CDYL2: variants seen among roughly 807,000 people sequenced by gnomAD.
CDYL2 encodes the protein chromodomain Y like 2, also known as chromodomain Y-like protein 2.
In CDYL2, 23 loss-of-function variants were observed where a neutral mutation model predicts 49.4. The ratio of observed to expected loss-of-function variants is 0.47; its 90% confidence interval spans 0.34 to 0.66. The LOEUF (loss-of-function observed/expected upper bound fraction) is 0.66. Among genes scored for constraint, CDYL2 ranks in the 30% least tolerant of loss-of-function variants. CDYL2 has a pLI of 0.01. For missense variants in CDYL2, 678 were observed against 656.4 expected (o/e 1.03, Z -0.36); for synonymous variants, 360 against 268.8 (o/e 1.34, Z -3.32).
chr16:80,764,474 GA>G (rs967974736), intron 1 of CDYL2, among the ~76,000 whole-genome samples: 2 of 151,046 alleles, frequency 1.3e-5, no homozygotes, highest in Admixed American at 1.3e-4. Flanking sequence ...GGGAGGACAG[GA>G]AAAAAAAGTC....
At chr16:80,721,799 C>T (rs111304989) in intron 1 of CDYL2, among the ~76,000 whole-genome samples, 13 of 152,316 alleles carry the variant, frequency 8.5e-5, no homozygotes, top group African/African-American at 2.9e-4. Context: ...CTGTCCCCTC[C>T]CCGGTGACCA....
chr16:80,660,227 TA>T (rs1169179061), intron 2 of CDYL2, among the ~76,000 whole-genome samples: 2 of 151,934 alleles, frequency 1.3e-5, no homozygotes, highest in South Asian at 2.1e-4. Context: ...AAGACACGGG[TA>T]AAAAAATAGA....
At chr16:80,645,198 A>G (rs1203672158) in intron 2 of CDYL2, among the ~76,000 whole-genome samples, 2 of 152,230 alleles carry the variant, frequency 1.3e-5, no homozygotes, top group African/African-American at 4.8e-5. Context: ...CAGAGTGAAC[A>G]GGCCACCTAC....
At chr16:80,636,010 T>C (rs933294546) in intron 2 of CDYL2, among the ~76,000 whole-genome samples, 2 of 152,186 alleles carry the variant, frequency 1.3e-5, no homozygotes, top group Non-Finnish European at 2.9e-5. Context: ...CAGCTAGCCA[T>C]ATGCAGAAAA....
chr16:80,788,617 A>G (rs1907510917), intron 1 of CDYL2, among the ~76,000 whole-genome samples: 1 of 152,262 alleles, frequency 6.6e-6, no homozygotes, highest in Non-Finnish European at 1.5e-5. Flanking sequence ...ATTTAGAAGG[A>G]AAAGCATAGG....
rs141315305 is a variant in CDYL2 at position 80,697,063 on chromosome 16, A to T, written c.25-11934T>A. On this transcript the variant is annotated intron_variant, in intron 1 of 6. Coordinates refer to ENST00000570137, the MANE Select transcript of CDYL2 (RefSeq NM_152342.4). ...AACTGAAGGGGAGGGAATTATTCCAAACTCATTCTATGAGGCCAGTGTCAT... is the reference window on the plus strand; with the variant it reads ...AACTGAAGGGGAGGGAATTATTCCATACTCATTCTATGAGGCCAGTGTCAT... Among the ~76,000 whole-genome samples, 360 of 152,338 alleles carry T rather than the reference A, an allele frequency of 2.4e-3. 6 individuals are homozygous for T. The highest frequency in any genetic ancestry group is 0.022 in the Admixed American group (331 of 15,296).
At chr16:80,707,638 T>A (rs1418978537) in intron 1 of CDYL2, among the ~76,000 whole-genome samples, 1 of 152,170 alleles carries the variant, frequency 6.6e-6, no homozygotes, top group Non-Finnish European at 1.5e-5. Context: ...AAACTCCAGA[T>A]GCTTTGGTGG....
chr16:80,802,811 G>A (rs1226105431), intron 1 of CDYL2, among the ~76,000 whole-genome samples: 1 of 152,162 alleles, frequency 6.6e-6, no homozygotes, highest in Non-Finnish European at 1.5e-5. Flanking sequence ...AACTGCCCAC[G>A]AGGGCCTAGA....
At chr16:80,745,440 C>G (rs552507781) in intron 1 of CDYL2, among the ~76,000 whole-genome samples, 4 of 152,272 alleles carry the variant, frequency 2.6e-5, no homozygotes, top group Admixed American at 2.6e-4. Context: ...GTACATAATC[C>G]CAGCCTGACA....
chr16:80,662,779 A>T, intron 2 of CDYL2: 1 of 455,760 alleles, frequency 2.2e-6, no homozygotes, highest in Admixed American at 2.4e-5. Flanking sequence ...CTGGACAGTG[A>T]AGGGAATCAC....
intron 1 of CDYL2, among the ~76,000 whole-genome samples, chr16:80,761,605 T>C (rs986170742): frequency 5.3e-5 from 8 of 152,132 alleles, no homozygotes; most frequent in African/African-American, 1.9e-4. Flanking sequence ...TCCTTTGCAA[T>C]TGTTGAATCA....
At chr16:80,609,832 G>A (rs1218430947) in intron 5 of CDYL2, among the ~76,000 whole-genome samples, 1 of 152,130 alleles carries the variant, frequency 6.6e-6, no homozygotes, top group Non-Finnish European at 1.5e-5. Flanking sequence ...TGGAGGTAGG[G>A]TGTCCCTGGT....
intron 3 of CDYL2, chr16:80,632,601 G>A (rs1434944487): frequency 1.1e-5 from 2 of 188,466 alleles, no homozygotes; most frequent in African/African-American, 4.6e-5. Flanking sequence ...TATACAATAT[G>A]TAGTAACATA....
chr16:80,732,431 G>A (rs915181299), intron 1 of CDYL2, among the ~76,000 whole-genome samples: 2 of 151,670 alleles, frequency 1.3e-5, no homozygotes, highest in Admixed American at 6.6e-5. Flanking sequence ...GTTGCAATAC[G>A]GAAAAAAACA....
chr16:80,714,141 G>A (rs537056177), intron 1 of CDYL2, among the ~76,000 whole-genome samples: 3 of 152,228 alleles, frequency 2.0e-5, no homozygotes, highest in East Asian at 3.9e-4. Context: ...AATGTAAACT[G>A]GAATACTGGA....
At position 80,695,603 on chromosome 16, in the gene CDYL2, T is replaced by C. The variant is rs1910586988; in HGVS notation, c.25-10474A>G. Among the ~76,000 whole-genome samples, 4 of 152,190 alleles carry C rather than the reference T, an allele frequency of 2.6e-5. No homozygotes were observed. The South Asian group carries it at 8.3e-4, about 31-fold the overall frequency. ...AACCAAAAATGAGCAGAAGTGGTTA[T>C]ATTTATAGCAGATAAAATAGACCTT... On this transcript the variant is annotated intron_variant, in intron 1 of 6. Coordinates refer to ENST00000570137, the MANE Select transcript of CDYL2 (RefSeq NM_152342.4).
intron 5 of CDYL2, among the ~76,000 whole-genome samples, chr16:80,608,808 G>A (rs546619229): frequency 5.9e-5 from 9 of 152,268 alleles, no homozygotes; most frequent in Admixed American, 5.2e-4. Flanking sequence ...GAGAGAGAGA[G>A]AAAGATTAAG....
intron 1 of CDYL2, among the ~76,000 whole-genome samples, chr16:80,769,008 C>A (rs1007077969): frequency 6.6e-6 from 1 of 152,112 alleles, no homozygotes; most frequent in African/African-American, 2.4e-5. Context: ...TATTCAAAGG[C>A]TCCCTTTTAC....
chr16:80,711,085 A>G (rs573447019), intron 1 of CDYL2, among the ~76,000 whole-genome samples: 2 of 152,338 alleles, frequency 1.3e-5, no homozygotes, highest in African/African-American at 4.8e-5. Context: ...AGGGCAAAAC[A>G]TACCAATGGA....
Sources: allele counts gnomAD v4.1 joint callset (sites outside exome capture counted in the v4.1 genomes callset), GRCh38; gene constraint gnomAD v4.1.1; transcripts MANE v1.5; gene names NCBI Gene and HGNC (gene_info 2026-07-23, HGNC 2026-07-21).